Variants in RUNX2 observed in about 807,000 individuals in gnomAD.
RUNX2 encodes the protein RUNX family transcription factor 2.
In RUNX2, 10 loss-of-function variants were observed where a neutral mutation model predicts 51.7. That is an observed-to-expected ratio of 0.19 (90% CI 0.12 to 0.33). The LOEUF is 0.33. RUNX2 is among the 10% of genes least tolerant of loss of function. The pLI, the probability that RUNX2 is intolerant of heterozygous loss-of-function variation, is 1.00. For missense variants in RUNX2, 562 were observed against 691.3 expected (o/e 0.81, Z 2.10); for synonymous variants, 276 against 273.6 (o/e 1.01, Z -0.09).
chr6:45,538,801 A>G (rs1802120506), intron 7 of RUNX2, among the ~76,000 whole-genome samples: 1 of 151,898 alleles, frequency 6.6e-6, no homozygotes, highest in South Asian at 2.1e-4. Context: ...TCCTCTCTAA[A>G]TGGGAGCACA....
In RUNX2 at chr6:45,549,714, TA is replaced by T; in HGVS notation, c.*2414del. ...CAGTGCCAGCTGCATCCTATTTAAT[TA>T]AAAAGGTACTATATTTGTACATTAT... On this transcript the variant is annotated 3_prime_UTR_variant, in exon 9 of 9. Coordinates refer to ENST00000647337, the MANE Select transcript of RUNX2 (RefSeq NM_001024630.4). 1 of 215,402 alleles carries T rather than the reference TA, an allele frequency of 4.6e-6. No individual in the cohort carries two copies. The highest frequency in any genetic ancestry group is 1.0e-4 in the East Asian group (1 of 9,988). 13.3% of individuals were successfully genotyped at this position (215,402 alleles called of 1,614,324 possible).
chr6:45,518,867 G>T (rs1801414570), intron 7 of RUNX2, among the ~76,000 whole-genome samples: 1 of 152,124 alleles, frequency 6.6e-6, no homozygotes, highest in African/African-American at 2.4e-5. Flanking sequence ...ATTTTCTAAC[G>T]ATAGATACAG....
intron 7 of RUNX2, among the ~76,000 whole-genome samples, chr6:45,524,619 C>A (rs964658890): frequency 6.6e-6 from 1 of 152,066 alleles, no homozygotes; most frequent in Non-Finnish European, 1.5e-5. Flanking sequence ...AATAAATAAA[C>A]CCATTGATGT....
intron 7 of RUNX2, among the ~76,000 whole-genome samples, chr6:45,516,609 G>T (rs1563120257): frequency 6.6e-6 from 1 of 152,164 alleles, no homozygotes; most frequent in Non-Finnish European, 1.5e-5. Flanking sequence ...GTTTCTAAAA[G>T]ATTATTCAGT....
chr6:45,332,325 G>A (rs1210346567), intron 2 of RUNX2, among the ~76,000 whole-genome samples: 1 of 150,226 alleles, frequency 6.7e-6, no homozygotes, highest in Non-Finnish European at 1.5e-5. Context: ...AAAGGTTAGG[G>A]GTTACCTAAA....
chr6:45,463,655 C>T (rs1407644095), intron 5 of RUNX2, among the ~76,000 whole-genome samples: 1 of 152,080 alleles, frequency 6.6e-6, no homozygotes, highest in African/African-American at 2.4e-5. Flanking sequence ...AATTCTCCCT[C>T]CTTTTATTTT....
chr6:45,411,264 C>T (rs1797945431), intron 2 of RUNX2, among the ~76,000 whole-genome samples: 2 of 152,080 alleles, frequency 1.3e-5, no homozygotes, highest in Admixed American at 1.3e-4. Flanking sequence ...TCATATATGT[C>T]TAATAAAAAT....
In RUNX2 at chr6:45,422,611, G is replaced by A. The variant is rs1180264044; in HGVS notation, c.77G>A (p.Arg26His). 4 of 1,605,180 alleles carry A rather than the reference G, an allele frequency of 2.5e-6. No individual in the cohort carries two copies. Among genetic ancestry groups the A allele is most frequent in the Admixed American group, 3.4e-5 (2 of 58,658 alleles). Residue 26 changes from arginine (R) to histidine (H), a missense_variant, in exon 3 of 9, where the codon CGC becomes CAC. This residue lies in a region of RUNX2 where 153 missense variants were observed against 144.8 expected (regional missense o/e 1.06). Transcript: ENST00000647337. Reference protein sequence around the residue: ...NFFWDPSTSRRFSPPSSSLQP... With the variant: ...NFFWDPSTSRHFSPPSSSLQP... ...CCCGTAGATCCGAGCACCAGCCGGCGCTTCAGCCCCCCCTCCAGCAGCCTG... is the reference window on the plus strand; with the variant it reads ...CCCGTAGATCCGAGCACCAGCCGGCACTTCAGCCCCCCCTCCAGCAGCCTG...
chr6:45,536,888 G>T (rs1802053627), intron 7 of RUNX2, among the ~76,000 whole-genome samples: 1 of 152,172 alleles, frequency 6.6e-6, no homozygotes, highest in Non-Finnish European at 1.5e-5. Context: ...TTACAGAAGA[G>T]TTTGGCTGGA....
rs550245267 is a variant in RUNX2 at position 45,514,151 on chromosome 6, C to A, written c.1021+1744C>A. Among the ~76,000 whole-genome samples, 32 of 152,208 alleles carry A rather than the reference C, an allele frequency of 2.1e-4. No homozygotes were observed. The South Asian group carries it at 6.4e-3, about 31-fold the overall frequency. Reference sequence around the variant, plus strand: ...AAAAAACCTCAGGGAGTGATGGTAGCATTAGAGACACTTAACTACAGCAGT... The same window carrying A: ...AAAAAACCTCAGGGAGTGATGGTAGAATTAGAGACACTTAACTACAGCAGT... On this transcript the variant is annotated intron_variant, in intron 7 of 8. Coordinates refer to ENST00000647337, the MANE Select transcript of RUNX2 (RefSeq NM_001024630.4).
chr6:45,394,145 T>A (rs1162070338), intron 2 of RUNX2, among the ~76,000 whole-genome samples: 1 of 151,972 alleles, frequency 6.6e-6, no homozygotes, highest in African/African-American at 2.4e-5. Flanking sequence ...TCCGCCCTCC[T>A]CGTGATCCGC....
At chr6:45,376,802 G>T (rs1382432667) in intron 2 of RUNX2, among the ~76,000 whole-genome samples, 4 of 151,760 alleles carry the variant, frequency 2.6e-5, no homozygotes, top group African/African-American at 4.9e-5. Context: ...CTCTTCCAGA[G>T]TCTGCCCTTC....
chr6:45,451,672 G>T (rs1425340432), intron 5 of RUNX2, among the ~76,000 whole-genome samples: 1 of 152,190 alleles, frequency 6.6e-6, no homozygotes, highest in African/African-American at 2.4e-5. Context: ...GGCAAGGTCA[G>T]AGAAAGAATA....
intron 5 of RUNX2, among the ~76,000 whole-genome samples, chr6:45,485,279 C>T (rs946735142): frequency 5.9e-5 from 9 of 151,270 alleles, no homozygotes; most frequent in East Asian, 3.9e-4. Flanking sequence ...CTCAGCTCAC[C>T]GCAACCTCTG....
chr6:45,372,004 T>C (rs2150312901), intron 2 of RUNX2: 1 of 925,992 alleles, frequency 1.1e-6, no homozygotes, highest in Non-Finnish European at 1.3e-6. Flanking sequence ...GAGTTCTTTC[T>C]ACTATACATC....
At chr6:45,427,049 G>T (rs1055300161) in intron 3 of RUNX2, among the ~76,000 whole-genome samples, 1 of 152,110 alleles carries the variant, frequency 6.6e-6, no homozygotes, top group African/African-American at 2.4e-5. Flanking sequence ...ATTTCAAGTT[G>T]TGTGAAGACA....
intron 5 of RUNX2, among the ~76,000 whole-genome samples, chr6:45,460,091 T>C (rs755245602): frequency 7.9e-5 from 12 of 151,832 alleles, no homozygotes; most frequent in Admixed American, 6.6e-4. Context: ...AGACCATGAG[T>C]TGGCCTTCAG....
chr6:45,468,928 C>T (rs1255323424), intron 5 of RUNX2, among the ~76,000 whole-genome samples: 1 of 152,252 alleles, frequency 6.6e-6, no homozygotes, highest in East Asian at 1.9e-4. Flanking sequence ...TTTAGCCAAA[C>T]TGCTCTCACT....
chr6:45,329,697 T>C (rs1265327508), intron 2 of RUNX2, among the ~76,000 whole-genome samples: 1 of 151,924 alleles, frequency 6.6e-6, no homozygotes, highest in Non-Finnish European at 1.5e-5. Flanking sequence ...TATTAAACCA[T>C]GCTGGACTTT....
Sources: gnomAD v4.1 joint callset for allele counts (sites outside exome capture counted in the v4.1 genomes callset) on GRCh38, gnomAD v4.1.1 for gene constraint, gnomAD v4.1.1 regional missense constraint, MANE v1.5 for transcripts, NCBI Gene and HGNC (gene_info 2026-07-23, HGNC 2026-07-21) for gene names.